CALD1: variants seen among roughly 807,000 people sequenced by gnomAD.
CALD1 encodes the protein caldesmon.
In CALD1, 33 loss-of-function variants were observed where a neutral mutation model predicts 99.9. The ratio of observed to expected loss-of-function variants is 0.33; its 90% CI spans 0.25 to 0.44. CALD1 has a LOEUF of 0.44. Ranked by LOEUF, CALD1 falls within the 20% of genes least tolerant of loss-of-function variation. CALD1 has a pLI of 1.00. For synonymous variants in CALD1, 310 were observed against 325.0 expected (o/e 0.95, Z 0.50); for missense variants, 861 against 962.1 (o/e 0.89, Z 1.39).
chr7:134,776,855 T>A (rs528653404), upstream of CALD1, among the ~76,000 whole-genome samples: 3 of 152,212 alleles, frequency 2.0e-5, no homozygotes, highest in Non-Finnish European at 2.9e-5. Context: ...AAATATAATT[T>A]CTTGCTACTG....
At chr7:134,855,044 C>T (rs1800240296) in intron 2 of CALD1, among the ~76,000 whole-genome samples, 1 of 152,222 alleles carries the variant, frequency 6.6e-6, no homozygotes, top group African/African-American at 2.4e-5. Context: ...TTGCCTTCCA[C>T]TATGATTGAA....
chr7:134,721,607 T>G, the CALD1 span, among the ~76,000 whole-genome samples: 1 of 150,944 alleles, frequency 6.6e-6, no homozygotes, highest in African/African-American at 2.4e-5. Flanking sequence ...GGTGGGGGGG[T>G]GAAGGGTGGA....
chr7:134,762,582 G>T lies in CALD1; in HGVS notation c.-130+18219G>T, dbSNP rs189234578. ...GGAAGCATGATGCTGACATCTGCAT[G>T]GCTTCTGGGGAGGTTTCAGGAAACT... On this transcript the variant is annotated intron_variant, in intron 1 of 13. Transcript: ENST00000417172. 9.7e-4 allele frequency among the ~76,000 whole-genome samples: 148 copies of T among 152,308 alleles called. 1 individual carries two copies. Among genetic ancestry groups the T allele is most frequent in the Admixed American group, 7.9e-3 (121 of 15,294 alleles).
At chr7:134,716,657 C>A in the CALD1 span, among the ~76,000 whole-genome samples, 1 of 152,082 alleles carries the variant, frequency 6.6e-6, no homozygotes, top group Non-Finnish European at 1.5e-5. Context: ...ACACCATGAC[C>A]AAAGTGAGTT....
intron 3 of CALD1, among the ~76,000 whole-genome samples, chr7:134,906,695 A>G (rs1803411834): frequency 6.6e-6 from 1 of 152,228 alleles, no homozygotes; most frequent in African/African-American, 2.4e-5. Flanking sequence ...CAAATGAGAA[A>G]CCTAGAACTT....
chr7:134,874,656 A>T (rs1425100339), intron 3 of CALD1, among the ~76,000 whole-genome samples: 1 of 152,206 alleles, frequency 6.6e-6, no homozygotes, highest in Non-Finnish European at 1.5e-5. Flanking sequence ...ATCAGAAGAA[A>T]GGCCCCTATT....
At position 134,968,611 on chromosome 7, in the gene CALD1, T is replaced by A. The variant is rs1001947371; in HGVS notation, c.*266T>A. On this transcript the variant is annotated 3_prime_UTR_variant, in exon 15 of 15. Transcript: ENST00000361675. ...ATAGAGACTTTTCTACTGATCATCA[T>A]AACTCTGTATCTGAGCAGTGATACC... is the stretch of plus-strand genomic sequence containing the variant. The A allele has an allele frequency of 1.5e-6, 1 of 670,398 alleles. No homozygotes were observed. The highest frequency in any genetic ancestry group is 1.8e-5 in the African/African-American group (1 of 56,574). The allele number at this position is 670,398 out of a possible 1,614,324, so 41.5% of individuals were successfully genotyped here.
chr7:134,803,287 T>C (rs781746051), intron 1 of CALD1, among the ~76,000 whole-genome samples: 1 of 152,186 alleles, frequency 6.6e-6, no homozygotes, highest in Non-Finnish European at 1.5e-5. Flanking sequence ...AAGTCAGATA[T>C]ATGTATTATA....
At chr7:134,919,022 T>C (rs763262009) in intron 3 of CALD1, among the ~76,000 whole-genome samples, 2 of 152,066 alleles carry the variant, frequency 1.3e-5, no homozygotes, top group Non-Finnish European at 2.9e-5. Flanking sequence ...TTAATAATAG[T>C]AATAAAACAA....
chr7:134,946,974 A>C (rs1216058867), intron 7 of CALD1, among the ~76,000 whole-genome samples: 1 of 152,124 alleles, frequency 6.6e-6, no homozygotes, highest in African/African-American at 2.4e-5. Flanking sequence ...GGCGTGAGCC[A>C]CTGCACCCGG....
At chr7:134,829,001 T>C (rs1799116630) in intron 1 of CALD1, among the ~76,000 whole-genome samples, 1 of 152,194 alleles carries the variant, frequency 6.6e-6, no homozygotes, top group South Asian at 2.1e-4. Context: ...CCCCATCTTA[T>C]CATTAGATAC....
chr7:134,896,838 C>T (rs1004486699), intron 3 of CALD1, among the ~76,000 whole-genome samples: 10 of 152,170 alleles, frequency 6.6e-5, no homozygotes, highest in East Asian at 5.8e-4. Flanking sequence ...CCTCTGGAGG[C>T]GAACTTACCC....
At chr7:134,863,342 C>T (rs549382444) in intron 2 of CALD1, among the ~76,000 whole-genome samples, 1 of 152,360 alleles carries the variant, frequency 6.6e-6, no homozygotes, top group Admixed American at 6.5e-5. Context: ...GCTGCATTAA[C>T]TTATTCAGTG....
intron 1 of CALD1, among the ~76,000 whole-genome samples, chr7:134,746,690 A>G (rs1429489768): frequency 6.6e-6 from 1 of 152,252 alleles, no homozygotes; most frequent in Non-Finnish European, 1.5e-5. Flanking sequence ...CTAAGTGGTC[A>G]TGAACAGAAA....
the CALD1 span, among the ~76,000 whole-genome samples, chr7:134,712,054 G>C: frequency 7.2e-6 from 1 of 138,048 alleles, no homozygotes. Context: ...AGAGAGGGAG[G>C]GAGGGAGGGA....
intron 1 of CALD1, among the ~76,000 whole-genome samples, chr7:134,824,469 TCTC>T (rs1379424271): frequency 3.3e-5 from 5 of 151,980 alleles, no homozygotes; most frequent in Non-Finnish European, 5.9e-5. Flanking sequence ...TTCTTCTCCT[TCTC>T]CTTCTTCTTC....
chr7:134,742,543 T>A (rs965894972), upstream of CALD1, among the ~76,000 whole-genome samples: 3 of 152,148 alleles, frequency 2.0e-5, no homozygotes, highest in Admixed American at 2.0e-4. Flanking sequence ...AGGGGCTGGT[T>A]GGGGCCCACC....
At chr7:134,851,706 C>T (rs775733633) in intron 2 of CALD1, among the ~76,000 whole-genome samples, 17 of 152,106 alleles carry the variant, frequency 1.1e-4, no homozygotes, top group Non-Finnish European at 2.2e-4. Context: ...GAAATCTTAC[C>T]AACCATGATG....
intron 1 of CALD1, among the ~76,000 whole-genome samples, chr7:134,819,676 T>TA (rs1393055037): frequency 6.6e-6 from 1 of 152,196 alleles, no homozygotes; most frequent in Non-Finnish European, 1.5e-5. Flanking sequence ...GAAGCCCTTG[T>TA]AAAAAACATT....
Sources: gnomAD v4.1 joint callset for allele counts (sites outside exome capture counted in the v4.1 genomes callset) on GRCh38, gnomAD v4.1.1 for gene constraint, MANE v1.5 for transcripts, NCBI Gene and HGNC (gene_info 2026-07-23, HGNC 2026-07-21) for gene names.